Variants in FHIT observed in about 807,000 individuals in gnomAD.
FHIT encodes the protein bis(5'-adenosyl)-triphosphatase.
FHIT carries 19 observed loss-of-function variants against 17.9 expected under a neutral mutation model. That is an observed-to-expected ratio of 1.06 (90% CI 0.74 to 1.56). The LOEUF is 1.56. FHIT is among the 40% of genes most tolerant of loss of function. FHIT has a pLI of 0.00. For missense variants in FHIT, 248 were observed against 189.2 expected, an observed-to-expected ratio of 1.31 and a Z score of -1.82; for synonymous variants, 81 against 69.7, an observed-to-expected ratio of 1.16 and a Z score of -0.81.
chr3:60,997,737 C>T (rs1003456820), intron 3 of FHIT, among the ~76,000 whole-genome samples: 2 of 152,100 alleles, frequency 1.3e-5, no homozygotes, highest in South Asian at 4.1e-4. Context: ...AGCATGAATT[C>T]GTGAATTGCA....
chr3:60,683,062 G>A (rs1011957555), intron 4 of FHIT, among the ~76,000 whole-genome samples: 4 of 152,170 alleles, frequency 2.6e-5, no homozygotes, highest in Non-Finnish European at 5.9e-5. Flanking sequence ...CTGAATTACT[G>A]TAATTTTACA....
intron 3 of FHIT, among the ~76,000 whole-genome samples, chr3:60,912,261 A>G (rs971653474): frequency 6.6e-6 from 1 of 152,178 alleles, no homozygotes; most frequent in Admixed American, 6.5e-5. Flanking sequence ...TTTTTGATTG[A>G]GCAGTGGTGG....
chr3:60,498,537 G>T (rs907283617), intron 5 of FHIT, among the ~76,000 whole-genome samples: 1 of 152,118 alleles, frequency 6.6e-6, no homozygotes, highest in Non-Finnish European at 1.5e-5. Context: ...TTTCTATTAG[G>T]TTTGCTATTT....
chr3:59,863,169 A>G (rs1702481958), intron 8 of FHIT, among the ~76,000 whole-genome samples: 1 of 152,190 alleles, frequency 6.6e-6, no homozygotes, highest in African/African-American at 2.4e-5. Flanking sequence ...GCTTGTCTCC[A>G]TGCCAATGCA....
At chr3:61,111,115 C>CA (rs1291349315) in intron 2 of FHIT, among the ~76,000 whole-genome samples, 1 of 152,144 alleles carries the variant, frequency 6.6e-6, no homozygotes, top group Non-Finnish European at 1.5e-5. Flanking sequence ...AGCATGCTGT[C>CA]AAAAGGTTTC....
At chr3:60,240,015 C>T (rs1260318754) in intron 5 of FHIT, among the ~76,000 whole-genome samples, 1 of 152,118 alleles carries the variant, frequency 6.6e-6, no homozygotes, top group African/African-American at 2.4e-5. Flanking sequence ...GGACTGCTAT[C>T]ATAGGATTAA....
At chr3:60,598,464 G>A (rs2107709028) in intron 4 of FHIT, among the ~76,000 whole-genome samples, 1 of 152,214 alleles carries the variant, frequency 6.6e-6, no homozygotes, top group South Asian at 2.1e-4. Flanking sequence ...ATTAATTTGT[G>A]TTGAGTGTTT....
chr3:60,225,867 A>T (rs1383457146), intron 5 of FHIT, among the ~76,000 whole-genome samples: 1 of 152,112 alleles, frequency 6.6e-6, no homozygotes, highest in Non-Finnish European at 1.5e-5. Flanking sequence ...CCCTCAGCAG[A>T]TCTACAGAAC....
At chr3:59,914,421 C>T (rs1705033007) in intron 8 of FHIT, among the ~76,000 whole-genome samples, 2 of 152,150 alleles carry the variant, frequency 1.3e-5, no homozygotes, top group African/African-American at 4.8e-5. Flanking sequence ...AAGCAGGCAA[C>T]TTGGAGGCCT....
chr3:59,979,733 G>A (rs1256161293), intron 7 of FHIT, among the ~76,000 whole-genome samples: 5 of 152,088 alleles, frequency 3.3e-5, no homozygotes, highest in African/African-American at 7.2e-5. Flanking sequence ...GGGTTTGGTC[G>A]CTATACTCCC....
At chr3:60,763,954 C>G (rs1349768049) in intron 4 of FHIT, among the ~76,000 whole-genome samples, 2 of 152,150 alleles carry the variant, frequency 1.3e-5, no homozygotes, top group Non-Finnish European at 2.9e-5. Flanking sequence ...CATCCATGGT[C>G]TCATTTCATT....
At chr3:60,521,404 C>T (rs1248668808) in intron 5 of FHIT, among the ~76,000 whole-genome samples, 2 of 152,058 alleles carry the variant, frequency 1.3e-5, no homozygotes, top group Non-Finnish European at 2.9e-5. Flanking sequence ...CCCGCCACCA[C>T]ACCCAGCTAA....
intron 4 of FHIT, among the ~76,000 whole-genome samples, chr3:60,554,142 G>T (rs976760735): frequency 6.6e-6 from 1 of 151,862 alleles, no homozygotes; most frequent in East Asian, 1.9e-4. Flanking sequence ...GAATAAAAAG[G>T]AAACAGATTT....
At chr3:60,486,674 T>A (rs1217547403) in intron 5 of FHIT, among the ~76,000 whole-genome samples, 1 of 152,172 alleles carries the variant, frequency 6.6e-6, no homozygotes, top group Non-Finnish European at 1.5e-5. Context: ...TAACTTCAAA[T>A]ATCAGCTTCA....
intron 5 of FHIT, among the ~76,000 whole-genome samples, chr3:60,494,866 C>A (rs1211324169): frequency 6.6e-6 from 1 of 152,090 alleles, no homozygotes. Context: ...TTTTTTAAAT[C>A]CATTCCTCTG....
At chr3:60,803,011 G>T (rs1329183443) in intron 4 of FHIT, among the ~76,000 whole-genome samples, 3 of 152,044 alleles carry the variant, frequency 2.0e-5, no homozygotes, top group South Asian at 4.2e-4. Context: ...AAACCAAACC[G>T]AAATAAATAA....
chr3:60,110,544 G>A (rs185408275), intron 5 of FHIT, among the ~76,000 whole-genome samples: 3 of 152,270 alleles, frequency 2.0e-5, no homozygotes, highest in South Asian at 2.1e-4. Context: ...CCAAGTTTAC[G>A]TAAGTTCAAA....
intron 3 of FHIT, among the ~76,000 whole-genome samples, chr3:60,966,626 A>G (rs568101301): frequency 6.6e-6 from 1 of 152,354 alleles, no homozygotes; most frequent in South Asian, 2.1e-4. Flanking sequence ...GGTTTCCACC[A>G]GGACAGTGGC....
At chr3:60,927,214 TG>T (rs1707673154) in intron 3 of FHIT, among the ~76,000 whole-genome samples, 1 of 152,190 alleles carries the variant, frequency 6.6e-6, no homozygotes, top group Non-Finnish European at 1.5e-5. Context: ...TTGGCCGGGC[TG>T]GTCTCCAGCT....
Sources: gnomAD v4.1 joint callset for allele counts (sites outside exome capture counted in the v4.1 genomes callset) on GRCh38, gnomAD v4.1.1 for gene constraint, MANE v1.5 for transcripts, NCBI Gene and HGNC (gene_info 2026-07-23, HGNC 2026-07-21) for gene names.